The following CYB5R4 variants were observed in gnomAD, a reference collection of about 807,000 sequenced individuals.
CYB5R4 encodes N-terminal cytochrome b5 and cytochrome b5 oxidoreductase domain-containing protein.
CYB5R4 carries 55 observed loss-of-function variants against 70.2 expected under a neutral mutation model. The ratio of observed to expected loss-of-function variants is 0.78; its 90% CI spans 0.63 to 0.98. CYB5R4 has a LOEUF of 0.98. CYB5R4 is among the 50% of genes least tolerant of loss of function. CYB5R4 has a pLI of 0.00. For missense variants in CYB5R4, 562 were observed against 612.6 expected, an observed-to-expected ratio of 0.92 and a Z score of 0.87; for synonymous variants, 197 against 199.5, an observed-to-expected ratio of 0.99 and a Z score of 0.11.
intron 3 of CYB5R4, among the ~76,000 whole-genome samples, chr6:83,898,916 A>G (rs1193619400): frequency 6.6e-6 from 1 of 152,214 alleles, no homozygotes; most frequent in African/African-American, 2.4e-5. Flanking sequence ...GCAAACAGGG[A>G]CAATTTGACT....
intron 3 of CYB5R4, among the ~76,000 whole-genome samples, chr6:83,897,180 G>A (rs1215498570): frequency 1.3e-5 from 2 of 151,798 alleles, no homozygotes; most frequent in African/African-American, 4.8e-5. Context: ...TTGTCCTTGC[G>A]ATAGTTTGCT....
chr6:83,864,149 T>A, intron 1 of CYB5R4, 26 bp from the exon 2 acceptor site: 1 of 1,533,980 alleles, frequency 6.5e-7, no homozygotes, highest in Non-Finnish European at 8.7e-7. Flanking sequence ...GAAGCTAGAT[T>A]TAATTCTTCC....
intron 15 of CYB5R4, 125 bp from the exon 16 acceptor site, chr6:83,959,699 T>TA (rs1174803480): frequency 1.3e-4 from 101 of 787,020 alleles, no homozygotes; most frequent in Admixed American, 2.8e-4. Flanking sequence ...TTTTTTTATT[T>TA]AAAAAAAACT....
At chr6:83,914,291 T>A in intron 4 of CYB5R4, 125 bp from the exon 5 acceptor site, 1 of 1,049,390 alleles carries the variant, frequency 9.5e-7, no homozygotes, top group Non-Finnish European at 1.3e-6. Flanking sequence ...GTTTCTCTCC[T>A]CAGGCCTTAG....
At chr6:83,922,544 A>T in intron 9 of CYB5R4, 74 bp downstream of exon 9, 1 of 1,020,102 alleles carries the variant, frequency 9.8e-7, no homozygotes, top group South Asian at 1.4e-5. Context: ...GATACGAAAA[A>T]ATTGAAAAAT....
At chr6:83,881,495 T>C (rs1430703098) in intron 2 of CYB5R4, among the ~76,000 whole-genome samples, 1 of 152,228 alleles carries the variant, frequency 6.6e-6, no homozygotes, top group Non-Finnish European at 1.5e-5. Flanking sequence ...CTTCTTGTAT[T>C]GAATTCGATA....
At chr6:83,876,908 A>G (rs1052981615) in intron 2 of CYB5R4, among the ~76,000 whole-genome samples, 2 of 152,008 alleles carry the variant, frequency 1.3e-5, no homozygotes, top group Admixed American at 1.3e-4. Flanking sequence ...ATCTTGGCTC[A>G]CTACAACCTT....
chr6:83,873,224 A>G (rs942203311), intron 2 of CYB5R4, among the ~76,000 whole-genome samples: 2 of 146,982 alleles, frequency 1.4e-5, no homozygotes, highest in African/African-American at 5.0e-5. Flanking sequence ...AGAATCATAT[A>G]GGGTATCCTT....
chr6:83,878,891 A>G (rs577691408), intron 2 of CYB5R4, among the ~76,000 whole-genome samples: 15 of 152,212 alleles, frequency 9.9e-5, no homozygotes, highest in African/African-American at 3.6e-4. Context: ...AGGGCCTGCA[A>G]TGCTAGAGGG....
intron 2 of CYB5R4, among the ~76,000 whole-genome samples, chr6:83,871,189 AG>A (rs1287103493): frequency 6.6e-6 from 1 of 152,014 alleles, no homozygotes; most frequent in Non-Finnish European, 1.5e-5. Flanking sequence ...CATGTTGGCC[AG>A]GCTGGTCTGG....
In CYB5R4 at chr6:83,940,058, G is replaced by A; in HGVS notation, c.1111G>A (p.Asp371Asn). 6.5e-7 allele frequency: 1 copy of A among 1,547,926 alleles called. No individual in the cohort carries two copies. The highest frequency in any genetic ancestry group is 1.2e-5 in the South Asian group (1 of 83,126). The change falls in exon 13 of 16, where the codon GAT (aspartate) becomes AAT (asparagine). Residue 371 changes from aspartate (D) to asparagine (N), a missense_variant and splice_region_variant. Physicochemically the swap from Asp to Asn is conservative, Grantham distance 23. Coordinates refer to ENST00000369681, the MANE Select transcript of CYB5R4 (RefSeq NM_016230.4). ...TTAGCTTATGTTTCATTGTTTAGGA[G>A]ATTTTGTTTCTGTAAGCAGTCCTGA... Reference protein sequence around the residue: ...TPELDRLQIGDFVSVSSPEGN... With the variant: ...TPELDRLQIGNFVSVSSPEGN...
chr6:83,940,156 A>G lies in CYB5R4; in HGVS notation c.1209A>G (p.Thr403=). The G allele has an allele frequency of 6.2e-7, 1 of 1,610,666 alleles. No individual in the cohort carries two copies. The highest frequency in any genetic ancestry group is 8.5e-7 in the Non-Finnish European group (1 of 1,177,854). The change falls in exon 13 of 16, where the codon ACA becomes ACG. Residue 403 remains threonine, a synonymous_variant. Transcript: ENST00000369681. The part of the protein sequence containing the change: ...LFLLAAGTGF[T]PMVKILNYAL... ...TGTTGGCAGCTGGAACAGGCTTCAC[A>G]CCAATGGTTAAAATACTGAATTATG...
chr6:83,879,825 G>T (rs1338659377), intron 2 of CYB5R4, among the ~76,000 whole-genome samples: 1 of 152,156 alleles, frequency 6.6e-6, no homozygotes, highest in African/African-American at 2.4e-5. Flanking sequence ...TTCCAAATTG[G>T]CTCTAGTGCG....
rs550889300 is a variant in CYB5R4, at chr6:83,934,099, T to A, written c.815-496T>A. Among the ~76,000 whole-genome samples, 6 of 152,210 alleles carry A rather than the reference T, an allele frequency of 3.9e-5. No individual in the cohort carries two copies. The South Asian group carries it at 1.2e-3, about 32-fold the overall frequency. ...TGAGTTTCAGGACTTTTCCATGGTG[T>A]AAGAAAAGATTTTAGAATGTACCGT... On this transcript the variant is annotated intron_variant, in intron 10 of 15. Transcript: ENST00000369681.
intron 5 of CYB5R4, among the ~76,000 whole-genome samples, chr6:83,915,363 T>C (rs1360253099): frequency 6.6e-6 from 1 of 152,236 alleles, no homozygotes; most frequent in Non-Finnish European, 1.5e-5. Context: ...TTAACTGAAA[T>C]AGTCTATATT....
rs776496725 is a variant in CYB5R4, at chr6:83,909,076, C to G, written c.398C>G (p.Pro133Arg). Reference protein sequence around the residue: ...ECLVGRMAIKPAVLKDYREEE... With the variant: ...ECLVGRMAIKRAVLKDYREEE... The stretch of plus-strand genomic sequence containing the variant: ...CTGGTTGGCAGAATGGCCATTAAAC[C>G]TGCTGTTCTGAAAGGTAAGTGGTGC... The change falls in exon 4 of 16, where the codon CCT (proline) becomes CGT (arginine). Residue 133 changes from proline to arginine, a missense_variant. Physicochemically the swap from Pro to Arg is moderately radical, Grantham distance 103. Transcript: ENST00000369681. The G allele has an allele frequency of 1.7e-5, 27 of 1,613,644 alleles. No homozygotes were observed. The highest frequency in any genetic ancestry group is 2.2e-5 in the Non-Finnish European group (26 of 1,179,768).
intron 10 of CYB5R4, among the ~76,000 whole-genome samples, chr6:83,932,960 T>A (rs2099468389): frequency 6.6e-6 from 1 of 152,232 alleles, no homozygotes; most frequent in Non-Finnish European, 1.5e-5. Context: ...AAGGTATATA[T>A]TCCAAGATGT....
intron 10 of CYB5R4, among the ~76,000 whole-genome samples, chr6:83,930,271 G>A (rs985266560): frequency 6.6e-6 from 1 of 152,034 alleles, no homozygotes; most frequent in African/African-American, 2.4e-5. Context: ...TGCCCACATC[G>A]ATTGACCCTT....
At chr6:83,860,069 TCTGGTC>T (rs923234781) in intron 1 of CYB5R4, among the ~76,000 whole-genome samples, 14 of 152,236 alleles carry the variant, frequency 9.2e-5, no homozygotes, top group African/African-American at 3.1e-4. Context: ...CCCTCTTCTT[TCTGGTC>T]CTTTATCCCG....
Sources: allele counts gnomAD v4.1 joint callset (sites outside exome capture counted in the v4.1 genomes callset), GRCh38; gene constraint gnomAD v4.1.1; transcripts MANE v1.5; gene names NCBI Gene and HGNC (gene_info 2026-07-23, HGNC 2026-07-21).